Variants in UNC5D observed in about 807,000 individuals in gnomAD.
UNC5D encodes the protein netrin receptor UNC5D.
A neutral mutation model predicts 105.4 loss-of-function variants in UNC5D; 39 were observed. The ratio of observed to expected loss-of-function variants is 0.37; its 90% confidence interval spans 0.29 to 0.48. The LOEUF (loss-of-function observed/expected upper bound fraction) is 0.48, where lower values mean the gene tolerates loss of function less well. Ranked by LOEUF, UNC5D falls within the 20% of genes least tolerant of loss-of-function variation. UNC5D has a pLI of 0.98. For synonymous variants in UNC5D, 452 were observed against 450.4 expected (o/e 1.00, Z -0.04); for missense variants, 991 against 1,202.4 (o/e 0.82, Z 2.60).
At chr8:35,397,453 CT>C (rs1804177522) in intron 1 of UNC5D, among the ~76,000 whole-genome samples, 1 of 152,172 alleles carries the variant, frequency 6.6e-6, no homozygotes, top group Non-Finnish European at 1.5e-5. Flanking sequence ...ACAGTCTGGA[CT>C]ATGTTAACCT....
intron 15 of UNC5D, among the ~76,000 whole-genome samples, chr8:35,771,073 T>C (rs934246959): frequency 1.3e-5 from 2 of 152,198 alleles, no homozygotes; most frequent in African/African-American, 4.8e-5. Flanking sequence ...CTGGAAAATA[T>C]TTAAATTTGA....
intron 4 of UNC5D, among the ~76,000 whole-genome samples, chr8:35,604,014 C>T (rs902496516): frequency 7.9e-5 from 12 of 152,268 alleles, no homozygotes; most frequent in Admixed American, 2.6e-4. Flanking sequence ...CAGTCTGTGC[C>T]TTTTAATTGG....
intron 1 of UNC5D, among the ~76,000 whole-genome samples, chr8:35,388,755 T>C (rs1213776696): frequency 6.6e-6 from 1 of 152,222 alleles, no homozygotes; most frequent in Non-Finnish European, 1.5e-5. Context: ...CCAAGATTCT[T>C]ACATGTCATT....
chr8:35,424,258 T>C (rs1806101909), intron 1 of UNC5D, among the ~76,000 whole-genome samples: 2 of 152,230 alleles, frequency 1.3e-5, no homozygotes, highest in African/African-American at 2.4e-5. Flanking sequence ...TTTTAAATGT[T>C]TTAGTTATCA....
intron 4 of UNC5D, among the ~76,000 whole-genome samples, chr8:35,673,817 CT>C (rs1825004446): frequency 6.6e-6 from 1 of 152,154 alleles, no homozygotes; most frequent in Admixed American, 6.6e-5. Flanking sequence ...TTCCTATAAG[CT>C]CTCCAGTTGA....
chr8:35,704,407 G>T (rs138001275), intron 7 of UNC5D, among the ~76,000 whole-genome samples: 49 of 152,300 alleles, frequency 3.2e-4, no homozygotes, highest in African/African-American at 1.0e-3. Flanking sequence ...GTTGATCTGC[G>T]TGGGAAGGGT....
chr8:35,492,387 T>C (rs1288821610), intron 1 of UNC5D, among the ~76,000 whole-genome samples: 2 of 152,076 alleles, frequency 1.3e-5, no homozygotes, highest in Non-Finnish European at 2.9e-5. Flanking sequence ...AAGGAAAATA[T>C]ATAAAGAGGG....
At chr8:35,547,185 T>C (rs1815751182) in intron 1 of UNC5D, among the ~76,000 whole-genome samples, 1 of 152,326 alleles carries the variant, frequency 6.6e-6, no homozygotes, top group Non-Finnish European at 1.5e-5. Context: ...TTGGTGTCTT[T>C]TATTTTCTTC....
Position 35,329,433 on chromosome 8 carries a change from A to G in UNC5D, c.103+93546A>G, listed in dbSNP as rs974431965. Among the ~76,000 whole-genome samples, 18 of 149,700 alleles carry G rather than the reference A, an allele frequency of 1.2e-4. 1 individual carries two copies. The East Asian group carries it at 1.4e-3, about 11-fold the overall frequency. ...TATATATATATATATATATATGGGG[A>G]AAAAAAAGGATAGAAAAAGTAGACA... On this transcript the variant is annotated intron_variant, in intron 1 of 16. Coordinates refer to ENST00000404895, the MANE Select transcript of UNC5D (RefSeq NM_080872.4).
At chr8:35,670,866 T>TC (rs1824746733) in intron 4 of UNC5D, among the ~76,000 whole-genome samples, 1 of 152,144 alleles carries the variant, frequency 6.6e-6, no homozygotes. Flanking sequence ...TCCTGGAACT[T>TC]AAAATAAAAA....
intron 1 of UNC5D, among the ~76,000 whole-genome samples, chr8:35,413,667 A>G (rs927783119): frequency 6.6e-6 from 1 of 152,102 alleles, no homozygotes; most frequent in Non-Finnish European, 1.5e-5. Flanking sequence ...GTCATAGAGT[A>G]CAAAGCCCTG....
intron 1 of UNC5D, among the ~76,000 whole-genome samples, chr8:35,385,342 A>G (rs1803319814): frequency 6.6e-6 from 1 of 152,062 alleles, no homozygotes; most frequent in East Asian, 1.9e-4. Flanking sequence ...CTCTGGTAGC[A>G]CCTAGTTAAG....
At chr8:35,267,149 G>A (rs1804937206) in intron 1 of UNC5D, among the ~76,000 whole-genome samples, 1 of 148,046 alleles carries the variant, frequency 6.8e-6, no homozygotes, top group African/African-American at 2.5e-5. Flanking sequence ...CCCACTGTAA[G>A]CAATAAATAA....
chr8:35,462,540 A>G (rs1396644908), intron 1 of UNC5D, among the ~76,000 whole-genome samples: 1 of 152,238 alleles, frequency 6.6e-6, no homozygotes, highest in African/African-American at 2.4e-5. Context: ...TTCTCTTTAA[A>G]CAGCACTAAT....
In UNC5D at chr8:35,721,375, C is replaced by T. The variant is rs572096096; in HGVS notation, c.1118-835C>T. ...AAAAGGGTGAAAAGCAGCTATAGCA[C>T]ATCTTGCGGGGTGGGGAGGCACCCA... is the stretch of plus-strand genomic sequence containing the variant. On this transcript the variant is annotated intron_variant, in intron 8 of 16. Coordinates refer to ENST00000404895, the MANE Select transcript of UNC5D (RefSeq NM_080872.4). 1.7e-5 allele frequency: 12 copies of T among 702,102 alleles called. No homozygotes were observed. In the African/African-American group the frequency reaches 1.7e-4, roughly 10 times the overall value. The allele number at this position is 702,102 out of a possible 1,614,324, so 43.5% of individuals were successfully genotyped here. A position where few individuals can be genotyped will look rare whatever the true frequency, so the allele number is the denominator to read the frequency against.
chr8:35,485,114 A>G (rs1810741831), intron 1 of UNC5D, among the ~76,000 whole-genome samples: 1 of 152,206 alleles, frequency 6.6e-6, no homozygotes, highest in Non-Finnish European at 1.5e-5. Flanking sequence ...AGTAGGAGGA[A>G]CCCAAGAACT....
At chr8:35,433,813 C>A (rs1352699412) in intron 1 of UNC5D, among the ~76,000 whole-genome samples, 2 of 147,946 alleles carry the variant, frequency 1.4e-5, no homozygotes, top group African/African-American at 5.0e-5. Context: ...TGCACCATTG[C>A]ACTCCAGCCT....
At chr8:35,344,168 A>G (rs1811645137) in intron 1 of UNC5D, among the ~76,000 whole-genome samples, 1 of 152,108 alleles carries the variant, frequency 6.6e-6, no homozygotes. Context: ...CAGAAAGTAT[A>G]TAAAGAAAAA....
At chr8:35,518,031 A>G (rs972575085) in intron 1 of UNC5D, among the ~76,000 whole-genome samples, 1 of 152,062 alleles carries the variant, frequency 6.6e-6, no homozygotes, top group Non-Finnish European at 1.5e-5. Flanking sequence ...AGATTTCAAC[A>G]TGAATTTTGG....
Sources: gnomAD v4.1 joint callset for allele counts (sites outside exome capture counted in the v4.1 genomes callset) on GRCh38, gnomAD v4.1.1 for gene constraint, MANE v1.5 for transcripts, NCBI Gene and HGNC (gene_info 2026-07-23, HGNC 2026-07-21) for gene names.